The following CACNB2 variants were observed in gnomAD, a reference collection of about 807,000 sequenced individuals.
CACNB2 encodes voltage-dependent L-type calcium channel subunit beta-2.
A neutral mutation model predicts 73.3 loss-of-function variants in CACNB2; 42 were observed. The ratio of observed to expected loss-of-function variants is 0.57; its 90% CI spans 0.45 to 0.74. The LOEUF is 0.74. Ranked by LOEUF, CACNB2 falls within the 30% of genes least tolerant of loss-of-function variation. The pLI, the probability that CACNB2 is intolerant of heterozygous loss-of-function variation, is 0.00. For missense variants in CACNB2, 940 were observed against 853.0 expected, an observed-to-expected ratio of 1.10 and a Z score of -1.27; for synonymous variants, 348 against 310.3, an observed-to-expected ratio of 1.12 and a Z score of -1.28.
At chr10:18,232,358 A>G (rs2036255832) in intron 2 of CACNB2, among the ~76,000 whole-genome samples, 1 of 152,182 alleles carries the variant, frequency 6.6e-6, no homozygotes, top group Admixed American at 6.5e-5. Flanking sequence ...ATTTGTTCAC[A>G]GTTACTCATC....
At chr10:18,474,946 G>T (rs575842826) in intron 3 of CACNB2, among the ~76,000 whole-genome samples, 1 of 151,570 alleles carries the variant, frequency 6.6e-6, no homozygotes, top group African/African-American at 2.4e-5. Context: ...GAGTCTCCAG[G>T]TTATCCTCAA....
chr10:18,191,698 T>C (rs2034404765), intron 2 of CACNB2, among the ~76,000 whole-genome samples: 2 of 152,216 alleles, frequency 1.3e-5, no homozygotes, highest in East Asian at 3.8e-4. Context: ...TGTTTGAGTT[T>C]CCATTCCTGA....
At chr10:18,527,464 CAT>C (rs2052590781) in intron 9 of CACNB2, 122 bp from the exon 10 acceptor site, 2 of 715,752 alleles carry the variant, frequency 2.8e-6, no homozygotes, top group Non-Finnish European at 5.1e-6. Flanking sequence ...TATCCTAACA[CAT>C]ATGGTTTGAA....
intron 2 of CACNB2, chr10:18,261,884 T>C: frequency 3.9e-6 from 2 of 514,546 alleles, no homozygotes; most frequent in Non-Finnish European, 7.8e-6. Flanking sequence ...AATGGCTGTC[T>C]GAGTATTAAA....
chr10:18,304,674 C>G (rs761676066), intron 2 of CACNB2, among the ~76,000 whole-genome samples: 1 of 152,154 alleles, frequency 6.6e-6, no homozygotes, highest in African/African-American at 2.4e-5. Context: ...GCTGCACAGG[C>G]GATCATCCTC....
At position 18,514,441 on chromosome 10, in the gene CACNB2, C is replaced by T. The variant is rs914764260; in HGVS notation, c.804+72C>T. 5 of 1,613,414 alleles carry T rather than the reference C, an allele frequency of 3.1e-6. No homozygotes were observed. In the African/African-American group the frequency reaches 6.7e-5, roughly 22 times the overall value. ...TGCGTCACATTTCTAGTCCTGTTGA[C>T]TGTCTGCGTCCTTTGATAAGCCAAT... On this transcript the variant is annotated intron_variant, in intron 7 of 13. Coordinates refer to ENST00000324631, the MANE Select transcript of CACNB2 (RefSeq NM_201596.3).
At chr10:18,401,174 G>T in intron 2 of CACNB2, 1 of 1,556,340 alleles carries the variant, frequency 6.4e-7, no homozygotes, top group Non-Finnish European at 8.9e-7. Context: ...GTGAGTGCAG[G>T]TAGAGAGGGT....
chr10:18,400,638 T>C (rs2043944554), intron 2 of CACNB2: 1 of 995,086 alleles, frequency 1.0e-6, no homozygotes, highest in Non-Finnish European at 1.2e-6. Context: ...GTTTTTGCAC[T>C]AGTTTTTTTT....
intron 2 of CACNB2, among the ~76,000 whole-genome samples, chr10:18,383,476 T>C (rs1438458881): frequency 1.3e-5 from 2 of 152,304 alleles, no homozygotes; most frequent in East Asian, 3.9e-4. Flanking sequence ...GAGTGAGGCT[T>C]GTTATGTTCA....
chr10:18,534,269 C>T, intron 11 of CACNB2, 42 bp downstream of exon 11: 1 of 1,519,240 alleles, frequency 6.6e-7, no homozygotes, highest in Non-Finnish European at 9.1e-7. Flanking sequence ...TCAAACTTTC[C>T]TAAAATGTAT....
intron 2 of CACNB2, among the ~76,000 whole-genome samples, chr10:18,356,962 T>TTTTTTTTTA (rs2041943824): frequency 1.4e-5 from 2 of 141,326 alleles, no homozygotes; most frequent in African/African-American, 5.3e-5. Flanking sequence ...TTTTTTTTTT[T>TTTTTTTTTA]GAGACGGAGT....
At chr10:18,168,499 G>C (rs2033018538) in intron 2 of CACNB2, among the ~76,000 whole-genome samples, 1 of 149,664 alleles carries the variant, frequency 6.7e-6, no homozygotes, top group Non-Finnish European at 1.5e-5. Context: ...TTCCTTCTTT[G>C]TGTGTGTGTG....
chr10:18,155,185 T>A (rs1457335398), intron 2 of CACNB2, among the ~76,000 whole-genome samples: 1 of 152,166 alleles, frequency 6.6e-6, no homozygotes, highest in Non-Finnish European at 1.5e-5. Flanking sequence ...ACCTGTCCCC[T>A]TTTGGACCTT....
intron 2 of CACNB2, among the ~76,000 whole-genome samples, chr10:18,225,585 C>T (rs926050287): frequency 4.9e-5 from 5 of 101,720 alleles, no homozygotes. Flanking sequence ...TCGCTCCTTC[C>T]TTCCTTCCTT....
intron 2 of CACNB2, among the ~76,000 whole-genome samples, chr10:18,186,482 T>C (rs1292503135): frequency 6.6e-6 from 1 of 152,026 alleles, no homozygotes; most frequent in African/African-American, 2.4e-5. Flanking sequence ...AGAAGTTTAA[T>C]TGGCTCACAG....
chr10:18,539,740 GTTTTTTTTT>G lies in CACNB2; in HGVS notation c.*27_*35del, dbSNP rs34022725. 32 of 1,449,386 alleles carry G rather than the reference GTTTTTTTTT, an allele frequency of 2.2e-5. No homozygotes were observed. The South Asian group carries it at 3.3e-4, about 15-fold the overall frequency. The allele number at this position is 1,449,386 out of a possible 1,614,324, so 89.8% of individuals were successfully genotyped here. A position where few individuals can be genotyped will look rare whatever the true frequency, so the allele number is the denominator to read the frequency against. ...CCGCCAATGAGTTTTGCCCGTTTGT[GTTTTTTTTT>G]TTTTTTTTTTGAAGTCTTGTATAAC... On this transcript the variant is annotated 3_prime_UTR_variant, in exon 14 of 14. Transcript: ENST00000324631.
chr10:18,511,672 T>C (rs967512470), intron 6 of CACNB2, among the ~76,000 whole-genome samples: 6 of 152,208 alleles, frequency 3.9e-5, no homozygotes, highest in African/African-American at 1.4e-4. Flanking sequence ...CCTTGACTGA[T>C]TCTTAACCGT....
At chr10:18,345,299 A>G (rs144678870) in intron 2 of CACNB2, among the ~76,000 whole-genome samples, 1 of 152,260 alleles carries the variant, frequency 6.6e-6, no homozygotes, top group African/African-American at 2.4e-5. Flanking sequence ...TTATTCATAT[A>G]CTAATTTTAT....
intron 2 of CACNB2, among the ~76,000 whole-genome samples, chr10:18,165,400 G>C (rs561961170): frequency 6.6e-6 from 1 of 152,344 alleles, no homozygotes; most frequent in South Asian, 2.1e-4. Flanking sequence ...CACTGCACCT[G>C]TGCCCTCTTT....
Sources: allele counts gnomAD v4.1 joint callset (sites outside exome capture counted in the v4.1 genomes callset), GRCh38; gene constraint gnomAD v4.1.1; transcripts MANE v1.5; gene names NCBI Gene and HGNC (gene_info 2026-07-23, HGNC 2026-07-21).